PHACTR4: variants seen among roughly 807,000 people sequenced by gnomAD.
PHACTR4 encodes the protein phosphatase and actin regulator 4, also known as protein phosphatase 1, regulatory subunit 124.
Under a neutral mutation model 72.7 loss-of-function variants are expected in PHACTR4, and 51 were observed. That is an observed-to-expected ratio of 0.70 (90% confidence interval 0.56 to 0.89). The LOEUF is 0.89. Among genes scored for constraint, PHACTR4 ranks in the 40% least tolerant of loss-of-function variants. The pLI is 0.00. For synonymous variants in PHACTR4, 255 were observed against 302.5 expected (o/e 0.84, Z 1.63); for missense variants, 731 against 861.8 (o/e 0.85, Z 1.90).
At chr1:28,460,514 T>C (rs952904418) in intron 4 of PHACTR4, among the ~76,000 whole-genome samples, 2 of 152,120 alleles carry the variant, frequency 1.3e-5, no homozygotes, top group African/African-American at 4.8e-5. Context: ...CGTGTCTTTT[T>C]TTTCCCCCCC....
chr1:28,480,085 A>T (rs952325819), intron 8 of PHACTR4, among the ~76,000 whole-genome samples: 3 of 152,250 alleles, frequency 2.0e-5, no homozygotes, highest in African/African-American at 7.2e-5. Flanking sequence ...TAATTGAAGT[A>T]GAAAGGCAGC....
At chr1:28,447,841 C>T (rs141421623) in intron 2 of PHACTR4, among the ~76,000 whole-genome samples, 16 of 152,130 alleles carry the variant, frequency 1.1e-4, no homozygotes, top group East Asian at 3.9e-4. Context: ...ACGGCTTTAC[C>T]GAGTTCTTTC....
At chr1:28,457,135 A>G (rs1658450409) in intron 2 of PHACTR4, among the ~76,000 whole-genome samples, 1 of 152,122 alleles carries the variant, frequency 6.6e-6, no homozygotes, top group South Asian at 2.1e-4. Context: ...AGTAGTCACC[A>G]TTGCATTTAC....
At chr1:28,376,498 T>C (rs1651686570) in intron 1 of PHACTR4, among the ~76,000 whole-genome samples, 1 of 151,226 alleles carries the variant, frequency 6.6e-6, no homozygotes, top group Admixed American at 6.6e-5. Flanking sequence ...TCTTTTTTTT[T>C]TTTTTCTTTT....
At chr1:28,377,237 C>CTTT (rs1304157166) in intron 1 of PHACTR4, among the ~76,000 whole-genome samples, 1 of 136,750 alleles carries the variant, frequency 7.3e-6, no homozygotes, top group Non-Finnish European at 1.6e-5. Flanking sequence ...CGCACCCAGC[C>CTTT]TTTTTTTTTT....
rs1490726893 is a variant in PHACTR4 at position 28,477,470 on chromosome 1, G to T, written c.1606+1179G>T. Among the ~76,000 whole-genome samples the T allele has an allele frequency of 2.0e-5, 3 of 151,854 alleles. No individual in the cohort carries two copies. The East Asian group carries it at 5.8e-4, about 29-fold the overall frequency. ...TTACAGGCATGAGCCACCGTGCCTA[G>T]CCTATTTTTAATTTTTATAGATATA... On this transcript the variant is annotated intron_variant, in intron 8 of 13. Transcript: ENST00000373839.
chr1:28,394,598 C>CTT (rs762426587), intron 1 of PHACTR4, among the ~76,000 whole-genome samples: 71 of 140,518 alleles, frequency 5.1e-4, no homozygotes, highest in African/African-American at 7.3e-4. Flanking sequence ...GCCATCTTTT[C>CTT]TTTTTTTTTT....
intron 1 of PHACTR4, among the ~76,000 whole-genome samples, chr1:28,395,800 C>G (rs1254817819): frequency 7.2e-6 from 1 of 138,052 alleles, no homozygotes; most frequent in Non-Finnish European, 1.5e-5. Context: ...GCTACTGTTA[C>G]AATTACACGC....
At chr1:28,444,736 C>T (rs1167262199) in intron 2 of PHACTR4, among the ~76,000 whole-genome samples, 1 of 149,400 alleles carries the variant, frequency 6.7e-6, no homozygotes, top group Non-Finnish European at 1.5e-5. Context: ...CTGCCTCAGC[C>T]TCCCAAGTAG....
chr1:28,470,551 C>A (rs1295620262), intron 6 of PHACTR4, among the ~76,000 whole-genome samples: 1 of 151,736 alleles, frequency 6.6e-6, no homozygotes, highest in Non-Finnish European at 1.5e-5. Flanking sequence ...CAAAAATTAG[C>A]CGGGCATGGT....
chr1:28,380,989 C>T (rs1429755988), intron 1 of PHACTR4, among the ~76,000 whole-genome samples: 3 of 150,970 alleles, frequency 2.0e-5, no homozygotes, highest in Non-Finnish European at 2.9e-5. Flanking sequence ...TCCACAATCT[C>T]GCCAGCATTA....
chr1:28,385,518 G>A (rs1652490312), intron 1 of PHACTR4, among the ~76,000 whole-genome samples: 1 of 146,032 alleles, frequency 6.8e-6, no homozygotes, highest in African/African-American at 2.5e-5. Flanking sequence ...ACTCCAGCTT[G>A]GGCGACAGAG....
intron 9 of PHACTR4, among the ~76,000 whole-genome samples, chr1:28,480,901 C>T (rs1441886917): frequency 6.6e-6 from 1 of 152,166 alleles, no homozygotes; most frequent in Non-Finnish European, 1.5e-5. Context: ...GTTGGCCGGG[C>T]TGGTCTCGAA....
At chr1:28,394,255 A>C (rs1271240691) in intron 1 of PHACTR4, among the ~76,000 whole-genome samples, 1 of 151,308 alleles carries the variant, frequency 6.6e-6, no homozygotes, top group Non-Finnish European at 1.5e-5. Context: ...AGAAAGTAAA[A>C]AAAAAAAAAA....
intron 8 of PHACTR4, 151 bp from the exon 9 acceptor site, chr1:28,480,300 C>T (rs1442614103): frequency 8.4e-6 from 7 of 829,408 alleles, no homozygotes; most frequent in Middle Eastern, 7.7e-4. Flanking sequence ...AGCTTTACCC[C>T]CACCTCAGTG....
chr1:28,471,388 A>G (rs1425456565), intron 6 of PHACTR4, among the ~76,000 whole-genome samples: 2 of 152,188 alleles, frequency 1.3e-5, no homozygotes, highest in Admixed American at 6.5e-5. Flanking sequence ...TACTTTGAAC[A>G]TCTCCAATTT....
chr1:28,447,395 C>CTT (rs970088054), intron 2 of PHACTR4, among the ~76,000 whole-genome samples: 2 of 132,814 alleles, frequency 1.5e-5, no homozygotes, highest in Non-Finnish European at 3.3e-5. Flanking sequence ...TTTCTTTTTT[C>CTT]TTTTTTTTTT....
chr1:28,460,268 G>T lies in PHACTR4; in HGVS notation c.247G>T (p.Val83Phe), dbSNP rs1393597649. The change falls in exon 4 of 14, where the codon GTT becomes TTT. Residue 83 changes from valine to phenylalanine, a missense_variant. This residue lies in a region of PHACTR4 where 621 missense variants were observed against 676.6 expected (regional missense o/e 0.92). Transcript: ENST00000373839. ...AAGAGAAGAGCTGGTTAAAAGAGGGGTTCTGTTGGAAGACCCTGAGCAAGG... is the reference window on the plus strand; with the variant it reads ...AAGAGAAGAGCTGGTTAAAAGAGGGTTTCTGTTGGAAGACCCTGAGCAAGG... ...KPREELVKRG[V>F]LLEDPEQGGE... 6.2e-7 allele frequency: 1 copy of T among 1,613,732 alleles called. No homozygotes were observed. Among genetic ancestry groups the T allele is most frequent in the Non-Finnish European group, 8.5e-7 (1 of 1,179,756 alleles).
chr1:28,450,974 C>CTTTTTTTTTTTTTTGTTTTT (rs1657916108), intron 2 of PHACTR4, among the ~76,000 whole-genome samples: 1 of 72,076 alleles, frequency 1.4e-5, no homozygotes, highest in Non-Finnish European at 2.7e-5. Flanking sequence ...CCACACCCAG[C>CTTTTTTTTTTTTTTGTTTTT]TTTTTTTTTT....
Sources: allele counts gnomAD v4.1 joint callset (sites outside exome capture counted in the v4.1 genomes callset), GRCh38; gene constraint gnomAD v4.1.1; regional missense constraint gnomAD v4.1.1; transcripts MANE v1.5; gene names NCBI Gene and HGNC (gene_info 2026-07-23, HGNC 2026-07-21).